RERGL: variants seen among roughly 807,000 people sequenced by gnomAD.
RERGL encodes RERG like.
RERGL carries 22 observed loss-of-function variants against 24.7 expected under a neutral mutation model. That is an observed-to-expected ratio of 0.89 (90% CI 0.64 to 1.27). The LOEUF (loss-of-function observed/expected upper bound fraction) is 1.27, where lower values mean the gene tolerates loss of function less well. Ranked by LOEUF, RERGL falls within the 50% of genes most tolerant of loss-of-function variation. The pLI is 0.00. For synonymous variants in RERGL, 76 were observed against 82.6 expected, an observed-to-expected ratio of 0.92 and a Z score of 0.43; for missense variants, 259 against 235.3, an observed-to-expected ratio of 1.10 and a Z score of -0.66.
At chr12:18,085,000 C>A (rs201311833) in intron 3 of RERGL, among the ~76,000 whole-genome samples, 1 of 130,378 alleles carries the variant, frequency 7.7e-6, no homozygotes, top group African/African-American at 2.9e-5. Context: ...TATCATTTAT[C>A]TGTTAGTAAA....
chr12:18,083,779 T>C (rs1394698281), intron 4 of RERGL, among the ~76,000 whole-genome samples: 2 of 152,162 alleles, frequency 1.3e-5, no homozygotes, highest in Non-Finnish European at 2.9e-5. Flanking sequence ...ACTATTTAGA[T>C]TCTAAGGGCA....
intron 4 of RERGL, among the ~76,000 whole-genome samples, chr12:18,082,184 G>A (rs1379971883): frequency 6.6e-6 from 1 of 151,718 alleles, no homozygotes; most frequent in African/African-American, 2.4e-5. Flanking sequence ...CCTTTGCGGG[G>A]ACATGGATGG....
At position 18,088,904 on chromosome 12, in the gene RERGL, A is replaced by C. The variant is rs771174772; in HGVS notation, c.105T>G (p.Asn35Lys). The C allele has an allele frequency of 1.2e-5, 20 of 1,601,070 alleles. No homozygotes were observed. The highest frequency in any genetic ancestry group is 1.7e-4 in the Middle Eastern group (1 of 6,028). ...TKRFIGEYAS[N>K]FESIYKKHLC... ...ATGTCTAGAGTAGTGACTTACCAAA[A>C]TTAGAAGCATATTCTCCAATGAATC... The change falls in exon 2 of 5, where the codon AAT becomes AAG. Residue 35 changes from asparagine to lysine, a missense_variant. Transcript: ENST00000538724.
Position 18,081,385 on chromosome 12 carries a change from C to A in RERGL, c.421G>T (p.Ala141Ser). The A allele has an allele frequency of 6.2e-7, 1 of 1,614,054 alleles. No homozygotes were observed. The highest frequency in any genetic ancestry group is 2.2e-5 in the East Asian group (1 of 44,874). The change falls in exon 5 of 5, where the codon GCA becomes TCA. Residue 141 changes from alanine to serine, a missense_variant. Coordinates refer to ENST00000538724, the MANE Select transcript of RERGL (RefSeq NM_001286201.2). The stretch of plus-strand genomic sequence containing the variant: ...CAGAATTGGCATCGGTTTTCCAGTG[C>A]CAGCTTTTGCCCTTCTTCCCAGCCA... ...EVGWEEGQKL[A>S]LENRCQFCEL...
intron 1 of RERGL, 37 bp downstream of exon 1, chr12:18,090,052 T>C: frequency 6.7e-7 from 1 of 1,486,522 alleles, no homozygotes; most frequent in South Asian, 1.3e-5. Context: ...TCACTCTTTC[T>C]ACACTCTATG....
chr12:18,085,587 A>C, intron 3 of RERGL, 33 bp downstream of exon 3: 1 of 1,302,136 alleles, frequency 7.7e-7, no homozygotes, highest in South Asian at 1.3e-5. Flanking sequence ...ATCAATAAAT[A>C]AATCAATAAA....
In RERGL at chr12:18,085,479, T is replaced by A. The variant is rs1045883134; in HGVS notation, c.183+141A>T. ...AGAAAGTAATCTCTTAAATTTTTGA[T>A]AATTAAAATGAGAAGAAACTTCGGT... On this transcript the variant is annotated intron_variant, in intron 3 of 4. Transcript: ENST00000538724. The A allele has an allele frequency of 4.3e-5, 26 of 602,066 alleles. No homozygotes were observed. The African/African-American group carries it at 4.5e-4, about 10-fold the overall frequency. 37.3% of individuals were successfully genotyped at this position (602,066 alleles called of 1,614,324 possible).
chr12:18,089,368 A>G, intron 1 of RERGL: 1 of 1,417,676 alleles, frequency 7.1e-7, no homozygotes, highest in Non-Finnish European at 9.2e-7. Flanking sequence ...ATTTGCAGTT[A>G]TTTAAGGATG....
At chr12:18,085,501 CG>C in intron 3 of RERGL, 118 bp downstream of exon 3, 1 of 647,726 alleles carries the variant, frequency 1.5e-6, no homozygotes, top group South Asian at 1.8e-5. Context: ...GAAGAAACTT[CG>C]GTTTTAACAC....
At chr12:18,085,043 A>T (rs1406503972) in intron 3 of RERGL, among the ~76,000 whole-genome samples, 1 of 152,144 alleles carries the variant, frequency 6.6e-6, no homozygotes, top group African/African-American at 2.4e-5. Flanking sequence ...TACTAGATTT[A>T]AATCAATAAA....
chr12:18,081,172 T>C lies in RERGL; in HGVS notation c.*19A>G. On this transcript the variant is annotated 3_prime_UTR_variant, in exon 5 of 5. Transcript: ENST00000538724. ...TTGAAACTCTCTGATATAGGAAATC[T>C]CCCAGGATTACCTGTCTACTAAACA... is the stretch of plus-strand genomic sequence containing the variant. 1 of 1,575,334 alleles carries C rather than the reference T, an allele frequency of 6.3e-7. No individual in the cohort carries two copies. Among genetic ancestry groups the C allele is most frequent in the Non-Finnish European group, 8.7e-7 (1 of 1,154,838 alleles).
chr12:18,084,372 G>GT (rs1947199268), intron 4 of RERGL, 145 bp downstream of exon 4: 1 of 616,996 alleles, frequency 1.6e-6, no homozygotes, highest in Admixed American at 3.5e-5. Flanking sequence ...TACTACATGT[G>GT]TAACTCCTGT....
intron 4 of RERGL, among the ~76,000 whole-genome samples, 195 bp downstream of exon 4, chr12:18,084,322 A>G (rs925588976): frequency 2.6e-5 from 4 of 152,152 alleles, no homozygotes; most frequent in African/African-American, 9.7e-5. Flanking sequence ...GTAACTGTTT[A>G]TGTCAGCGAG....
rs11043840 is a variant in RERGL, at chr12:18,081,527, T to A, written c.333-54A>T. 506,308 of 1,087,882 alleles carry A rather than the reference T, an allele frequency of 0.47. 81,168 individuals carry two copies. Among genetic ancestry groups the A allele is most frequent in the Admixed American group, 0.5 (18,715 of 37,738 alleles). 67.4% of individuals were successfully genotyped at this position (1,087,882 alleles called of 1,614,324 possible). On this transcript the variant is annotated intron_variant, in intron 4 of 4. Coordinates refer to ENST00000538724, the MANE Select transcript of RERGL (RefSeq NM_001286201.2). The stretch of plus-strand genomic sequence containing the variant: ...AGATTGTTTTAACAACTCTTTTTTT[T>A]AAAAAAAAAAAAAAAACAGATTTAT...
Position 18,090,135 on chromosome 12 carries a change from A to G in RERGL, c.6T>C (p.Asn2=). 6.5e-7 allele frequency: 1 copy of G among 1,532,184 alleles called. No individual in the cohort carries two copies. Among genetic ancestry groups the G allele is most frequent in the Non-Finnish European group, 8.7e-7 (1 of 1,145,344 alleles). The allele number at this position is 1,532,184 out of a possible 1,614,324, so 94.9% of individuals were successfully genotyped here. The change falls in exon 1 of 5, where the codon AAT becomes AAC. Residue 2 remains asparagine, a synonymous_variant. Transcript: ENST00000538724. ...CACCCAAGACAGCAAGCTTCACATC[A>G]TTCATCTTGCTTTTCTGCTTCTTGG... is the stretch of plus-strand genomic sequence containing the variant. The part of the protein sequence containing the change: M[N]DVKLAVLGGE...
rs756616440 is a variant in RERGL, at chr12:18,084,583, G to C, written c.266C>G (p.Ser89Cys). The change falls in exon 4 of 5, where the codon TCT becomes TGT. Residue 89 changes from serine (S) to cysteine (C), a missense_variant. Coordinates refer to ENST00000538724, the MANE Select transcript of RERGL (RefSeq NM_001286201.2). ...CAGCGCTTTTGCAAAAGCAAATGAA[G>C]ACCTATCACTGATGTCATACACAAT... ...FVIVYDISDR[S>C]SFAFAKALIY... is the part of the protein sequence containing the mutation. 6.2e-7 allele frequency: 1 copy of C among 1,612,828 alleles called. No individual in the cohort carries two copies. The highest frequency in any genetic ancestry group is 2.2e-5 in the East Asian group (1 of 44,800).
chr12:18,087,485 C>A (rs781712723), intron 2 of RERGL, among the ~76,000 whole-genome samples: 2 of 152,152 alleles, frequency 1.3e-5, no homozygotes, highest in Non-Finnish European at 2.9e-5. Context: ...CAAGTGTCAT[C>A]AATTCTCACA....
At chr12:18,082,187 A>ATGGATGGAG (rs1406139856) in intron 4 of RERGL, among the ~76,000 whole-genome samples, 1 of 151,728 alleles carries the variant, frequency 6.6e-6, no homozygotes, top group African/African-American at 2.4e-5. Flanking sequence ...TTGCGGGGAC[A>ATGGATGGAG]TGGATGGAGC....
intron 2 of RERGL, among the ~76,000 whole-genome samples, chr12:18,088,649 T>G (rs1947241592): frequency 6.6e-6 from 1 of 152,106 alleles, no homozygotes; most frequent in Non-Finnish European, 1.5e-5. Context: ...GGATCTTAGT[T>G]TTAATGTTTT....
Sources: gnomAD v4.1 joint callset for allele counts (sites outside exome capture counted in the v4.1 genomes callset) on GRCh38, gnomAD v4.1.1 for gene constraint, MANE v1.5 for transcripts, NCBI Gene and HGNC (gene_info 2026-07-23, HGNC 2026-07-21) for gene names.